The following GSG1L variants were observed in gnomAD, a reference collection of about 807,000 sequenced individuals.
GSG1L encodes GSG1 like.
GSG1L carries 24 observed loss-of-function variants against 42.1 expected under a neutral mutation model. The observed-to-expected ratio is 0.57, with a 90% CI of 0.41 to 0.80. The LOEUF is 0.80. GSG1L is among the 30% of genes least tolerant of loss of function. The pLI, the probability that GSG1L is intolerant of heterozygous loss-of-function variation, is 0.00. For missense variants in GSG1L, 445 were observed against 472.2 expected (o/e 0.94, Z 0.53); for synonymous variants, 215 against 203.5 (o/e 1.06, Z -0.48).
At chr16:28,009,755 C>A (rs2085691264) in intron 1 of GSG1L, among the ~76,000 whole-genome samples, 4 of 152,154 alleles carry the variant, frequency 2.6e-5, no homozygotes, top group African/African-American at 4.8e-5. Context: ...AGTGGGTGAC[C>A]CTGAGGGAGT....
chr16:27,976,984 T>C (rs887275986), intron 1 of GSG1L, among the ~76,000 whole-genome samples: 2 of 152,184 alleles, frequency 1.3e-5, no homozygotes, highest in Non-Finnish European at 2.9e-5. Flanking sequence ...GCCCCTCTGC[T>C]AAGCCCCTTT....
intron 3 of GSG1L, among the ~76,000 whole-genome samples, chr16:27,880,876 G>C (rs185660732): frequency 6.6e-6 from 1 of 152,038 alleles, no homozygotes; most frequent in East Asian, 1.9e-4. Context: ...TGAACCTGCT[G>C]ATGAAGGAGA....
intron 6 of GSG1L, among the ~76,000 whole-genome samples, chr16:27,806,713 G>A (rs1597463003): frequency 1.3e-5 from 2 of 152,334 alleles, no homozygotes; most frequent in East Asian, 3.9e-4. Context: ...AGGTCTGAGA[G>A]AGGTGGCCAG....
intron 3 of GSG1L, among the ~76,000 whole-genome samples, chr16:27,877,633 T>A (rs2083904334): frequency 6.6e-6 from 1 of 152,046 alleles, no homozygotes; most frequent in Non-Finnish European, 1.5e-5. Flanking sequence ...CCTTCCTATA[T>A]AACCCTCTGC....
Position 27,789,764 on chromosome 16 carries a change from G to T in GSG1L, c.*1606C>A, listed in dbSNP as rs1247388542. On this transcript the variant is annotated 3_prime_UTR_variant, in exon 7 of 7. Coordinates refer to ENST00000447459, the MANE Select transcript of GSG1L (RefSeq NM_001109763.2). ...TAGATAGCTGATGAATAGGTGGGTG[G>T]ATGATGAATGGATGGATGAATGGAT... 2.1e-4 allele frequency: 32 copies of T among 150,928 alleles called. No individual in the cohort carries two copies. Among genetic ancestry groups the T allele is most frequent in the Admixed American group, 2.1e-3 (32 of 15,168 alleles). 9.3% of individuals were successfully genotyped at this position (150,928 alleles called of 1,614,324 possible). A position where few individuals can be genotyped will look rare whatever the true frequency, so the allele number is the denominator to read the frequency against.
chr16:27,938,630 C>A (rs1005191378), intron 2 of GSG1L, among the ~76,000 whole-genome samples: 3 of 152,092 alleles, frequency 2.0e-5, no homozygotes, highest in Non-Finnish European at 2.9e-5. Context: ...CGGGCAAGTG[C>A]CCACCGCGAG....
chr16:27,962,781 C>T (rs988615428), intron 2 of GSG1L, among the ~76,000 whole-genome samples: 1 of 152,156 alleles, frequency 6.6e-6, no homozygotes, highest in Non-Finnish European at 1.5e-5. Flanking sequence ...AGGCCAGGCA[C>T]CTGGCTTCCC....
rs779110182 is a variant in GSG1L, at chr16:27,869,661, A to ATC, written c.550+14823_550+14824dup. Among the ~76,000 whole-genome samples the ATC allele has an allele frequency of 4.9e-5, 3 of 61,404 alleles. No homozygotes were observed. In the Admixed American group the frequency reaches 6.2e-4, roughly 13 times the overall value. 40.3% of individuals were successfully genotyped at this position (61,404 alleles called of 152,430 possible). A position where few individuals can be genotyped will look rare whatever the true frequency, so the allele number is the denominator to read the frequency against. ...CTCTCTCTCCTCTCTGTCTTCCTCC[A>ATC]TCTCTCTCTCTCTCCTTCTCTCTCT... On this transcript the variant is annotated intron_variant, in intron 3 of 6. Transcript: ENST00000447459.
At chr16:27,859,644 G>T (rs1288410966) in intron 3 of GSG1L, among the ~76,000 whole-genome samples, 1 of 152,230 alleles carries the variant, frequency 6.6e-6, no homozygotes, top group Non-Finnish European at 1.5e-5. Context: ...TTGAGCAGGA[G>T]TTGGTTTTCT....
chr16:27,818,312 C>T (rs540691070), intron 5 of GSG1L, among the ~76,000 whole-genome samples: 50 of 152,302 alleles, frequency 3.3e-4, no homozygotes, highest in African/African-American at 1.2e-3. Context: ...AGATGTTCCT[C>T]CCACCATCCT....
intron 3 of GSG1L, among the ~76,000 whole-genome samples, chr16:27,879,944 T>TAATTGGTTAGAGAAAGGGCTGCCCCAG (rs2083932899): frequency 6.9e-6 from 1 of 144,666 alleles, no homozygotes; most frequent in Non-Finnish European, 1.5e-5. Context: ...GGGCTGACTG[T>TAATTGGTTAGAGAAAGGGCTGCCCCAG]AATTGGTTAG....
At chr16:27,816,519 A>G (rs74665462) in intron 5 of GSG1L, among the ~76,000 whole-genome samples, 2,283 of 152,312 alleles carry the variant, frequency 0.015, 61 homozygotes, top group African/African-American at 0.053. Context: ...CACCAGCCCT[A>G]TTTCGCAGAT....
chr16:27,807,611 G>A, intron 5 of GSG1L, 57 bp from the exon 6 acceptor site: 3 of 1,473,892 alleles, frequency 2.0e-6, no homozygotes, highest in Non-Finnish European at 9.3e-7. Flanking sequence ...AGGATGAGTG[G>A]GCAGAGACCC....
chr16:28,043,593 T>C (rs1051502888), intron 1 of GSG1L, among the ~76,000 whole-genome samples: 2 of 152,124 alleles, frequency 1.3e-5, no homozygotes, highest in Non-Finnish European at 2.9e-5. Flanking sequence ...TAGTAGGAAC[T>C]GGAATAGGAG....
At chr16:27,901,670 A>T (rs2084259753) in intron 2 of GSG1L, among the ~76,000 whole-genome samples, 1 of 152,236 alleles carries the variant, frequency 6.6e-6, no homozygotes, top group East Asian at 1.9e-4. Context: ...GTTCAGATGC[A>T]CGGGCCATTT....
chr16:27,934,369 C>T (rs974630077), intron 2 of GSG1L, among the ~76,000 whole-genome samples: 1 of 152,064 alleles, frequency 6.6e-6, no homozygotes, highest in Non-Finnish European at 1.5e-5. Context: ...CATGGCAAAA[C>T]CCCATCTCTA....
chr16:27,983,105 C>A (rs1332404813), intron 1 of GSG1L, among the ~76,000 whole-genome samples: 1 of 152,132 alleles, frequency 6.6e-6, no homozygotes, highest in Non-Finnish European at 1.5e-5. Flanking sequence ...GAGGACAAGG[C>A]AGGAGGATCA....
At chr16:27,885,856 T>C (rs1431942746) in intron 2 of GSG1L, among the ~76,000 whole-genome samples, 10 of 152,216 alleles carry the variant, frequency 6.6e-5, no homozygotes, top group South Asian at 6.2e-4. Flanking sequence ...TTGTATTCCC[T>C]GAGATAGCAC....
intron 3 of GSG1L, among the ~76,000 whole-genome samples, chr16:27,851,093 C>T (rs959360712): frequency 6.6e-5 from 10 of 152,090 alleles, no homozygotes; most frequent in Admixed American, 2.0e-4. Flanking sequence ...CCAGAAGGTG[C>T]GAGGAGGTTC....
Sources: allele counts gnomAD v4.1 joint callset (sites outside exome capture counted in the v4.1 genomes callset), GRCh38; gene constraint gnomAD v4.1.1; transcripts MANE v1.5; gene names NCBI Gene and HGNC (gene_info 2026-07-23, HGNC 2026-07-21).